The following FILIP1L variants were observed in gnomAD, a reference collection of about 807,000 sequenced individuals.
FILIP1L encodes filamin A-interacting protein 1-like.
In FILIP1L, 55 loss-of-function variants were observed where a neutral mutation model predicts 96.6. The ratio of observed to expected loss-of-function variants is 0.57; its 90% CI spans 0.46 to 0.71. The LOEUF (loss-of-function observed/expected upper bound fraction) is 0.71. Among genes scored for constraint, FILIP1L ranks in the 30% least tolerant of loss-of-function variants. The pLI, the probability that FILIP1L is intolerant of heterozygous loss-of-function variation, is 0.00. For missense variants in FILIP1L, 1,304 were observed against 1,321.2 expected (o/e 0.99, Z 0.20); for synonymous variants, 467 against 473.9 (o/e 0.99, Z 0.19).
At chr3:100,091,126 A>T (rs531153710) in intron 1 of FILIP1L, among the ~76,000 whole-genome samples, 1 of 152,068 alleles carries the variant, frequency 6.6e-6, no homozygotes, top group African/African-American at 2.4e-5. Context: ...TCTACTAAAA[A>T]TACAAAAACT....
intron 5 of FILIP1L, among the ~76,000 whole-genome samples, chr3:99,839,991 A>G (rs1943059211): frequency 6.6e-6 from 1 of 152,118 alleles, no homozygotes; most frequent in Admixed American, 6.5e-5. Flanking sequence ...TTTGCCCTTC[A>G]GGGAATATTT....
chr3:99,963,553 C>G (rs531995725), intron 1 of FILIP1L, among the ~76,000 whole-genome samples: 1 of 152,098 alleles, frequency 6.6e-6, no homozygotes, highest in Non-Finnish European at 1.5e-5. Flanking sequence ...CATTTTGTGT[C>G]AGAGAAGACT....
intron 4 of FILIP1L, among the ~76,000 whole-genome samples, chr3:99,886,848 T>G (rs1354906260): frequency 1.3e-5 from 2 of 151,768 alleles, no homozygotes; most frequent in African/African-American, 4.8e-5. Flanking sequence ...TGGACACCTG[T>G]AATCCCAGCT....
At chr3:99,896,944 G>A (rs1223144048) in intron 4 of FILIP1L, among the ~76,000 whole-genome samples, 2 of 152,170 alleles carry the variant, frequency 1.3e-5, no homozygotes, top group Non-Finnish European at 2.9e-5. Flanking sequence ...AATAGAAAAT[G>A]TATTTTCAGT....
intron 1 of FILIP1L, among the ~76,000 whole-genome samples, chr3:99,934,098 T>C (rs1707580292): frequency 6.6e-6 from 1 of 152,188 alleles, no homozygotes; most frequent in Non-Finnish European, 1.5e-5. Context: ...TACAAGAAGC[T>C]AGACCAGGCT....
At chr3:100,013,530 C>T (rs1710229021) in intron 1 of FILIP1L, among the ~76,000 whole-genome samples, 1 of 152,112 alleles carries the variant, frequency 6.6e-6, no homozygotes, top group African/African-American at 2.4e-5. Flanking sequence ...AGGCATGAGC[C>T]ACCACACTCG....
intron 1 of FILIP1L, among the ~76,000 whole-genome samples, chr3:100,065,232 C>T (rs1305319302): frequency 6.6e-6 from 1 of 152,172 alleles, no homozygotes; most frequent in Non-Finnish European, 1.5e-5. Flanking sequence ...ATCCAGCAAT[C>T]TGTGTTTTAA....
chr3:99,845,697 T>C (rs893272086), intron 5 of FILIP1L, among the ~76,000 whole-genome samples: 1 of 152,208 alleles, frequency 6.6e-6, no homozygotes, highest in Non-Finnish European at 1.5e-5. Context: ...CATTGTGTCA[T>C]TTTAGGTGTA....
At chr3:99,862,568 C>G (rs374848003) in intron 4 of FILIP1L, among the ~76,000 whole-genome samples, 11 of 152,192 alleles carry the variant, frequency 7.2e-5, no homozygotes, top group African/African-American at 2.7e-4. Context: ...CATCCCTGAT[C>G]TCTACCTACT....
chr3:99,954,613 G>A lies in FILIP1L; in HGVS notation c.-10-23583C>T, dbSNP rs1708266815. Among the ~76,000 whole-genome samples, 4 of 152,028 alleles carry A rather than the reference G, an allele frequency of 2.6e-5. No homozygotes were observed. The South Asian group carries it at 8.3e-4, about 32-fold the overall frequency. Reference sequence around the variant, plus strand: ...GGTGGAGGCAGGTGGATTACTTAAGGTCAGGAGTTCGAGACCAGCCTGACC... The same window carrying A: ...GGTGGAGGCAGGTGGATTACTTAAGATCAGGAGTTCGAGACCAGCCTGACC... On this transcript the variant is annotated intron_variant, in intron 1 of 5. Coordinates refer to ENST00000477258, the MANE Select transcript of FILIP1L (RefSeq NM_001387850.1).
At chr3:99,879,243 A>G (rs752376213) in intron 4 of FILIP1L, among the ~76,000 whole-genome samples, 18 of 152,180 alleles carry the variant, frequency 1.2e-4, no homozygotes, top group Non-Finnish European at 2.4e-4. Context: ...AGGGGTTTGT[A>G]GGTAACAAGG....
In FILIP1L at chr3:99,924,247, T is replaced by C. The variant is rs974335232; in HGVS notation, c.588A>G (p.Leu196=). Residue 196 remains leucine (L), a synonymous_variant, in exon 4 of 6, where the codon CTA becomes CTG. Coordinates refer to ENST00000477258, the MANE Select transcript of FILIP1L (RefSeq NM_001387850.1). ...AGCCTTACCTTTCACATTCCTGTTC[T>C]AGTAGGCATATGAATTCATCACTCT... The part of the protein sequence containing the change: ...MEKSDEFICL[L]EQECERLKKL... The C allele has an allele frequency of 3.7e-6, 6 of 1,613,686 alleles. No homozygotes were observed. In the Admixed American group the frequency reaches 8.3e-5, roughly 22 times the overall value.
At chr3:100,025,006 C>T (rs1229777172) in intron 1 of FILIP1L, among the ~76,000 whole-genome samples, 3 of 152,152 alleles carry the variant, frequency 2.0e-5, no homozygotes, top group Admixed American at 6.5e-5. Context: ...AAATATCTGT[C>T]TTGATGCTTA....
intron 1 of FILIP1L, among the ~76,000 whole-genome samples, chr3:99,936,297 A>G (rs1707664704): frequency 6.6e-6 from 1 of 151,070 alleles, no homozygotes; most frequent in Admixed American, 6.6e-5. Context: ...CTTATCATAT[A>G]CAAGCCCATT....
intron 4 of FILIP1L, among the ~76,000 whole-genome samples, chr3:99,895,988 A>G (rs1225891332): frequency 1.3e-5 from 2 of 152,210 alleles, no homozygotes; most frequent in Non-Finnish European, 1.5e-5. Context: ...GGCTCACTGG[A>G]GGAGGGAACC....
chr3:99,983,464 G>GTATATATA lies in FILIP1L; in HGVS notation c.-10-52442_-10-52435dup, dbSNP rs1191587665. Among the ~76,000 whole-genome samples the GTATATATA allele has an allele frequency of 2.2e-3, 28 of 12,652 alleles. 1 individual carries two copies. Among genetic ancestry groups the GTATATATA allele is most frequent in the East Asian group, 6.0e-3 (1 of 168 alleles). The allele number at this position is 12,652 out of a possible 152,430, so 8.3% of individuals were successfully genotyped here. On this transcript the variant is annotated intron_variant, in intron 1 of 5. Transcript: ENST00000477258. ...TATGTATGTATATATATATATGTGT[G>GTATATATA]TATATATATATATATATATATATAT...
intron 4 of FILIP1L, among the ~76,000 whole-genome samples, chr3:99,907,250 CTTT>C (rs1706647876): frequency 6.6e-6 from 1 of 151,750 alleles, no homozygotes; most frequent in South Asian, 2.1e-4. Flanking sequence ...TTTTAATTTT[CTTT>C]TTTATTTTTT....
chr3:100,100,421 T>C (rs1359778146), intron 1 of FILIP1L, among the ~76,000 whole-genome samples: 1 of 152,210 alleles, frequency 6.6e-6, no homozygotes, highest in Non-Finnish European at 1.5e-5. Flanking sequence ...GTAATTACTA[T>C]CATCTGGATT....
At chr3:99,925,111 T>C (rs1707249845) in intron 3 of FILIP1L, among the ~76,000 whole-genome samples, 1 of 152,170 alleles carries the variant, frequency 6.6e-6, no homozygotes, top group Admixed American at 6.5e-5. Flanking sequence ...CACCCTATAG[T>C]TCTCTGTACC....
Sources: gnomAD v4.1 joint callset for allele counts (sites outside exome capture counted in the v4.1 genomes callset) on GRCh38, gnomAD v4.1.1 for gene constraint, MANE v1.5 for transcripts, NCBI Gene and HGNC (gene_info 2026-07-23, HGNC 2026-07-21) for gene names.